Variants in PKP2 observed in about 807,000 individuals in gnomAD.
The protein encoded by PKP2 is plakophilin-2.
PKP2 carries 73 observed loss-of-function variants against 83.4 expected under a neutral mutation model. The ratio of observed to expected loss-of-function variants is 0.88; its 90% confidence interval spans 0.72 to 1.06. The LOEUF is 1.06. PKP2 is among the 50% of genes least tolerant of loss of function. PKP2 has a pLI of 0.00. For synonymous variants in PKP2, 409 were observed against 430.4 expected, an observed-to-expected ratio of 0.95 and a Z score of 0.62; for missense variants, 966 against 1,065.4, an observed-to-expected ratio of 0.91 and a Z score of 1.30.
rs1354472511 is a variant in PKP2 at position 32,791,721 on chromosome 12, A to C, written c.*703T>G. 1 of 152,118 alleles carries C rather than the reference A, an allele frequency of 6.6e-6. No individual in the cohort carries two copies. Among genetic ancestry groups the C allele is most frequent in the Non-Finnish European group, 1.5e-5 (1 of 68,028 alleles). 9.4% of individuals were successfully genotyped at this position (152,118 alleles called of 1,614,324 possible). A position where few individuals can be genotyped will look rare whatever the true frequency, so the allele number is the denominator to read the frequency against. On this transcript the variant is annotated 3_prime_UTR_variant, in exon 13 of 13. Transcript: ENST00000340811. Reference sequence around the variant, plus strand: ...TTTCTCTGTGGAAAAGATTTTATTTATTTATTTATTTTTTATTTTACTTTA... The same window carrying C: ...TTTCTCTGTGGAAAAGATTTTATTTCTTTATTTATTTTTTATTTTACTTTA...
In PKP2 at chr12:32,841,027, C is replaced by T. The variant is rs397517003; in HGVS notation, c.1556+1G>A. ...TCAGGGCAGGGTACAGGTAGCATTA[C>T]CTTAGGCATCCAGTGACGTTGTAGA... is the stretch of plus-strand genomic sequence containing the variant. On this transcript the variant is annotated splice_donor_variant, in intron 6 of 12. Transcript: ENST00000340811. LOFTEE classifies it high-confidence loss of function. 2 of 1,612,060 alleles carry T rather than the reference C, an allele frequency of 1.2e-6. No homozygotes were observed. The highest frequency in any genetic ancestry group is 1.1e-5 in the South Asian group (1 of 91,008).
In PKP2 at chr12:32,882,035, G is replaced by A. The variant is rs74360033; in HGVS notation, c.224-3003C>T. Among the ~76,000 whole-genome samples the A allele has an allele frequency of 3.9e-3, 600 of 152,266 alleles. 5 individuals carry two copies. Among genetic ancestry groups the A allele is most frequent in the African/African-American group, 0.014 (567 of 41,540 alleles). On this transcript the variant is annotated intron_variant, in intron 1 of 12. Coordinates refer to ENST00000340811, the MANE Select transcript of PKP2 (RefSeq NM_001005242.3). ...GAATATGCAGAAAGGGGAAGGGTTC[G>A]GGGTAGAGGGATGTGGCTGGGGAGA...
intron 6 of PKP2, among the ~76,000 whole-genome samples, chr12:32,834,594 T>A (rs183464049): frequency 1.3e-5 from 2 of 152,272 alleles, no homozygotes; most frequent in East Asian, 3.9e-4. Context: ...CTACCATTCC[T>A]CATGGTCTTA....
chr12:32,878,684 G>A (rs1591829166), intron 2 of PKP2, 141 bp from the exon 3 acceptor site: 2 of 770,716 alleles, frequency 2.6e-6, no homozygotes, highest in East Asian at 5.0e-5. Context: ...TCTGGGTAAA[G>A]GCTTTTTGAA....
chr12:32,827,835 C>T (rs1419891145), intron 6 of PKP2, among the ~76,000 whole-genome samples: 1 of 152,166 alleles, frequency 6.6e-6, no homozygotes, highest in Non-Finnish European at 1.5e-5. Context: ...CTGTCGTTTG[C>T]ATTTGATTAA....
chr12:32,831,339 A>C (rs543847768), intron 6 of PKP2, among the ~76,000 whole-genome samples: 198 of 152,354 alleles, frequency 1.3e-3, no homozygotes, highest in African/African-American at 4.6e-3. Context: ...TGAATAAAAA[A>C]AATTTTAGCA....
intron 1 of PKP2, among the ~76,000 whole-genome samples, chr12:32,892,253 G>A (rs1591834392): frequency 1.3e-5 from 2 of 151,198 alleles, no homozygotes; most frequent in Non-Finnish European, 2.9e-5. Context: ...TAACAGTAGC[G>A]CCTAGTAACT....
intron 4 of PKP2, among the ~76,000 whole-genome samples, chr12:32,865,975 TAGAG>T (rs1956845387): frequency 6.6e-6 from 1 of 152,026 alleles, no homozygotes; most frequent in Admixed American, 6.5e-5. Context: ...AACTTTTGAA[TAGAG>T]AAACATTTCT....
chr12:32,865,488 C>T (rs181353367), intron 4 of PKP2, among the ~76,000 whole-genome samples: 203 of 151,664 alleles, frequency 1.3e-3, no homozygotes, highest in South Asian at 4.2e-4. Context: ...CAAGACCAGC[C>T]TGGCCAACAT....
At chr12:32,832,497 G>A (rs1956509766) in intron 6 of PKP2, among the ~76,000 whole-genome samples, 1 of 152,066 alleles carries the variant, frequency 6.6e-6, no homozygotes, top group African/African-American at 2.4e-5. Flanking sequence ...TATAACATTA[G>A]AAATATTGCC....
chr12:32,823,651 C>T (rs1056397592), intron 7 of PKP2, among the ~76,000 whole-genome samples: 2 of 150,678 alleles, frequency 1.3e-5, no homozygotes, highest in African/African-American at 2.4e-5. Flanking sequence ...CTGTCGCCCA[C>T]GCTGGAGTGC....
intron 5 of PKP2, among the ~76,000 whole-genome samples, chr12:32,841,963 CT>C (rs1208789572): frequency 6.6e-6 from 1 of 152,182 alleles, no homozygotes; most frequent in African/African-American, 2.4e-5. Context: ...ATTAAATTTT[CT>C]CTTTCCTCTT....
chr12:32,838,128 T>C (rs1348384129), intron 6 of PKP2, among the ~76,000 whole-genome samples: 1 of 152,204 alleles, frequency 6.6e-6, no homozygotes, highest in Non-Finnish European at 1.5e-5. Flanking sequence ...ACATACACCA[T>C]GGAATACTAC....
At chr12:32,841,267 A>T in intron 5 of PKP2, 62 bp from the exon 6 acceptor site, 1 of 1,387,050 alleles carries the variant, frequency 7.2e-7, no homozygotes, top group Non-Finnish European at 1.0e-6. Flanking sequence ...ACCGCTGAAA[A>T]GTTCAGTCAA....
chr12:32,884,344 C>T (rs945457167), intron 1 of PKP2, among the ~76,000 whole-genome samples: 1 of 152,100 alleles, frequency 6.6e-6, no homozygotes, highest in Non-Finnish European at 1.5e-5. Flanking sequence ...ATCCCAAGTA[C>T]TTGGGAAGCT....
Position 32,878,481 on chromosome 12 carries a change from C to G in PKP2, c.399G>C (p.Gln133His). 1 of 1,613,898 alleles carries G rather than the reference C, an allele frequency of 6.2e-7. No individual in the cohort carries two copies. Among genetic ancestry groups the G allele is most frequent in the South Asian group, 1.1e-5 (1 of 91,024 alleles). The change falls in exon 3 of 13, where the codon CAG (glutamine) becomes CAC (histidine). Residue 133 changes from glutamine to histidine, a missense_variant. Gln to His is a conservative substitution (Grantham distance 24). Coordinates refer to ENST00000340811, the MANE Select transcript of PKP2 (RefSeq NM_001005242.3). Reference sequence around the variant, plus strand: ...TCAAGGACCTTTCTTCCACGGACTTCTGGGAGCTGTACTGTGCTGTTCCTC... The same window carrying G: ...TCAAGGACCTTTCTTCCACGGACTTGTGGGAGCTGTACTGTGCTGTTCCTC... ...WGRGTAQYSSQKSVEERSLRH... is the reference protein window; with the variant it reads ...WGRGTAQYSSHKSVEERSLRH...
chr12:32,815,005 C>T lies in PKP2; in HGVS notation c.2013+6351G>A, dbSNP rs140756668. ...TCTCACCCATCAAAACTGCAATATA[C>T]GGTTCATTTAACTTTTTTCTTTTCT... On this transcript the variant is annotated intron_variant, in intron 9 of 12. Transcript: ENST00000340811. Among the ~76,000 whole-genome samples the T allele has an allele frequency of 1.6e-4, 25 of 151,986 alleles. No individual in the cohort carries two copies. The East Asian group carries it at 2.7e-3, about 16-fold the overall frequency.
At chr12:32,864,963 T>C (rs1367265725) in intron 4 of PKP2, among the ~76,000 whole-genome samples, 1 of 152,226 alleles carries the variant, frequency 6.6e-6, no homozygotes, top group African/African-American at 2.4e-5. Flanking sequence ...TGAGTCATAT[T>C]TATTTGCACT....
At chr12:32,862,741 G>A (rs1245705854) in intron 4 of PKP2, among the ~76,000 whole-genome samples, 2 of 152,138 alleles carry the variant, frequency 1.3e-5, no homozygotes, top group African/African-American at 4.8e-5. Context: ...ATCACTTCAG[G>A]AGGACCCAAG....
Sources: gnomAD v4.1 joint callset for allele counts (sites outside exome capture counted in the v4.1 genomes callset) on GRCh38, gnomAD v4.1.1 for gene constraint, MANE v1.5 for transcripts, NCBI Gene and HGNC (gene_info 2026-07-23, HGNC 2026-07-21) for gene names.